Variants in PAPPA2 observed in about 807,000 individuals in gnomAD.
PAPPA2 encodes the protein pappalysin-2.
Under a neutral mutation model 176.4 loss-of-function variants are expected in PAPPA2, and 86 were observed. The ratio of observed to expected loss-of-function variants is 0.49; its 90% CI spans 0.41 to 0.58. PAPPA2 has a LOEUF of 0.58. PAPPA2 is among the 20% of genes least tolerant of loss of function. The pLI is 0.00. For missense variants in PAPPA2, 2,073 were observed against 2,256.9 expected (o/e 0.92, Z 1.65); for synonymous variants, 809 against 852.2 (o/e 0.95, Z 0.88).
At chr1:176,792,169 G>A (rs984701196) in intron 19 of PAPPA2, among the ~76,000 whole-genome samples, 1 of 152,172 alleles carries the variant, frequency 6.6e-6, no homozygotes, top group African/African-American at 2.4e-5. Flanking sequence ...CTCCAGAGTC[G>A]TGGACAACTT....
intron 2 of PAPPA2, among the ~76,000 whole-genome samples, chr1:176,558,460 G>A (rs1012066542): frequency 6.6e-6 from 1 of 152,262 alleles, no homozygotes; most frequent in East Asian, 1.9e-4. Context: ...CATCCCTTCC[G>A]GACACTCTGT....
At position 176,685,957 on chromosome 1, in the gene PAPPA2, A is replaced by G. The variant is rs367861367; in HGVS notation, c.2138-4180A>G. Among the ~76,000 whole-genome samples, 7 of 152,286 alleles carry G rather than the reference A, an allele frequency of 4.6e-5. No homozygotes were observed. The East Asian group carries it at 1.4e-3, about 29-fold the overall frequency. ...AATGTCTTTCCTCACCCCTACATCG[A>G]TGTGAGTGTGTGTGTGTCTCAGTGA... On this transcript the variant is annotated intron_variant, in intron 4 of 22. Coordinates refer to ENST00000367662, the MANE Select transcript of PAPPA2 (RefSeq NM_020318.3).
At chr1:176,701,556 T>C (rs1346105230) in intron 8 of PAPPA2, among the ~76,000 whole-genome samples, 1 of 152,240 alleles carries the variant, frequency 6.6e-6, no homozygotes, top group Admixed American at 6.5e-5. Flanking sequence ...ATTAAAATAC[T>C]TAAAAGCCAG....
At chr1:176,551,600 TTAA>T (rs911496815) in intron 1 of PAPPA2, among the ~76,000 whole-genome samples, 10 of 152,294 alleles carry the variant, frequency 6.6e-5, no homozygotes, top group African/African-American at 1.7e-4. Context: ...GCAAAGACTC[TTAA>T]TAATAATGAT....
At chr1:176,625,710 A>G (rs759053353) in intron 3 of PAPPA2, among the ~76,000 whole-genome samples, 11 of 152,212 alleles carry the variant, frequency 7.2e-5, no homozygotes, top group Admixed American at 2.6e-4. Context: ...TATTATAAAA[A>G]TGTCATATGT....
chr1:176,829,579 G>A (rs986528071), intron 21 of PAPPA2, among the ~76,000 whole-genome samples: 1 of 152,196 alleles, frequency 6.6e-6, no homozygotes, highest in Non-Finnish European at 1.5e-5. Flanking sequence ...AGAGACGAAG[G>A]GAAGTTAAGG....
At position 176,547,230 on chromosome 1, in the gene PAPPA2, T is replaced by C. The variant is rs141162981; in HGVS notation, c.-916-8177T>C. Among the ~76,000 whole-genome samples, 463 of 152,256 alleles carry C rather than the reference T, an allele frequency of 3.0e-3. 2 individuals are homozygous for C. Among genetic ancestry groups the C allele is most frequent in the Non-Finnish European group, 4.9e-3 (336 of 68,012 alleles). The stretch of plus-strand genomic sequence containing the variant: ...TAGCTCATCTGAAAAGACTCAGCTT[T>C]TCATGGGTCTGTCTCCTAAGCCTTC... On this transcript the variant is annotated intron_variant, in intron 1 of 22. Coordinates refer to ENST00000367662, the MANE Select transcript of PAPPA2 (RefSeq NM_020318.3).
At chr1:176,787,244 AT>A (rs376379704) in intron 17 of PAPPA2, among the ~76,000 whole-genome samples, 304 of 146,202 alleles carry the variant, frequency 2.1e-3, no homozygotes, top group Middle Eastern at 7.1e-3. Context: ...TAAAAATCAG[AT>A]TTTTTTTTTT....
chr1:176,746,572 A>T (rs1176764597), intron 14 of PAPPA2, among the ~76,000 whole-genome samples: 1 of 152,162 alleles, frequency 6.6e-6, no homozygotes, highest in Non-Finnish European at 1.5e-5. Context: ...TTAAAATATA[A>T]TTTCTGAATA....
chr1:176,787,196 A>G (rs910320265), intron 17 of PAPPA2, among the ~76,000 whole-genome samples: 2 of 152,196 alleles, frequency 1.3e-5, no homozygotes, highest in Non-Finnish European at 2.9e-5. Flanking sequence ...TAGAAGATAC[A>G]TGTCCACACA....
intron 2 of PAPPA2, 140 bp from the exon 3 acceptor site, chr1:176,594,384 G>A (rs1466615085): frequency 1.0e-5 from 7 of 698,652 alleles, no homozygotes; most frequent in Admixed American, 2.9e-5. Flanking sequence ...AGGCATCTCA[G>A]GTGAGAAATC....
chr1:176,617,245 A>G (rs1342561202), intron 3 of PAPPA2, among the ~76,000 whole-genome samples: 2 of 152,170 alleles, frequency 1.3e-5, no homozygotes. Flanking sequence ...GAATGTATTT[A>G]TTCTCTGAAG....
At chr1:176,483,519 G>GGAGTGCAGTGGTGT (rs928535030) in intron 1 of PAPPA2, among the ~76,000 whole-genome samples, 3 of 139,276 alleles carry the variant, frequency 2.2e-5, no homozygotes, top group African/African-American at 8.1e-5. Flanking sequence ...CTCCCAGGCT[G>GGAGTGCAGTGGTGT]GAGTGCAGTG....
intron 14 of PAPPA2, among the ~76,000 whole-genome samples, chr1:176,764,882 C>T (rs1663879953): frequency 6.6e-6 from 1 of 152,124 alleles, no homozygotes; most frequent in Admixed American, 6.5e-5. Context: ...GGGCGTGAGC[C>T]ACCGCATCCG....
chr1:176,616,585 GC>G lies in PAPPA2; in HGVS notation c.1991+20992del, dbSNP rs1655274404. The G allele has an allele frequency of 1.9e-6, 3 of 1,543,370 alleles. 1 individual carries two copies. Among genetic ancestry groups the G allele is most frequent in the Non-Finnish European group, 2.7e-6 (3 of 1,122,996 alleles). ...GATGGTGGTGCACCATCACCAAAAG[GC>G]CAATTGAGAACATGGATACCTTCTT... On this transcript the variant is annotated intron_variant, in intron 3 of 22. Coordinates refer to ENST00000367662, the MANE Select transcript of PAPPA2 (RefSeq NM_020318.3).
At chr1:176,770,601 A>G (rs1441708297) in intron 16 of PAPPA2, among the ~76,000 whole-genome samples, 1 of 152,216 alleles carries the variant, frequency 6.6e-6, no homozygotes, top group Admixed American at 6.5e-5. Context: ...TGCCTGCCAT[A>G]TAATAAGCAC....
intron 1 of PAPPA2, among the ~76,000 whole-genome samples, chr1:176,480,995 T>C (rs1652367845): frequency 6.6e-6 from 1 of 152,006 alleles, no homozygotes; most frequent in South Asian, 2.1e-4. Flanking sequence ...CCACAGCGCT[T>C]TCCTCTTGTC....
At chr1:176,504,922 G>A (rs2102514236) in intron 1 of PAPPA2, among the ~76,000 whole-genome samples, 1 of 152,154 alleles carries the variant, frequency 6.6e-6, no homozygotes, top group South Asian at 2.1e-4. Flanking sequence ...CATAATGGGT[G>A]GGCAGCATAA....
chr1:176,695,653 C>T, intron 6 of PAPPA2, 85 bp from the exon 7 acceptor site: 2 of 1,484,736 alleles, frequency 1.3e-6, no homozygotes, highest in Non-Finnish European at 1.9e-6. Flanking sequence ...CTGCCCTCCC[C>T]ACACAAAGGT....
Sources: allele counts gnomAD v4.1 joint callset (sites outside exome capture counted in the v4.1 genomes callset), GRCh38; gene constraint gnomAD v4.1.1; transcripts MANE v1.5; gene names NCBI Gene and HGNC (gene_info 2026-07-23, HGNC 2026-07-21).